GAS7: variants seen among roughly 807,000 people sequenced by gnomAD.
GAS7 encodes the protein growth arrest specific 7.
GAS7 carries 28 observed loss-of-function variants against 71.1 expected under a neutral mutation model. The observed-to-expected ratio is 0.39, with a 90% CI of 0.29 to 0.54. GAS7 has a LOEUF of 0.54. Ranked by LOEUF, GAS7 falls within the 20% of genes least tolerant of loss-of-function variation. The pLI is 0.62. For missense variants in GAS7, 436 were observed against 627.8 expected (o/e 0.69, Z 3.27); for synonymous variants, 258 against 245.8 (o/e 1.05, Z -0.46).
At chr17:9,946,397 A>G (rs1186504530) in intron 6 of GAS7, among the ~76,000 whole-genome samples, 2 of 152,206 alleles carry the variant, frequency 1.3e-5, no homozygotes, top group Admixed American at 6.5e-5. Flanking sequence ...TTGCAAAACT[A>G]AAACTCTGTG....
intron 1 of GAS7, among the ~76,000 whole-genome samples, chr17:10,170,560 C>T (rs182537435): frequency 5.3e-5 from 8 of 152,340 alleles, no homozygotes; most frequent in Admixed American, 2.6e-4. Context: ...CCTAATGAGA[C>T]CTTCTCTGCC....
At chr17:9,918,879 T>C (rs540055878) in intron 12 of GAS7, among the ~76,000 whole-genome samples, 17 of 152,104 alleles carry the variant, frequency 1.1e-4, no homozygotes, top group Non-Finnish European at 1.8e-4. Context: ...AATTAGGAGA[T>C]TAACCAGGAG....
intron 1 of GAS7, chr17:10,059,588 T>C (rs2073195219): frequency 1.9e-5 from 10 of 524,920 alleles, no homozygotes; most frequent in Non-Finnish European, 2.2e-5. Context: ...CCAAGGAAGA[T>C]TTCTCCTCCT....
intron 1 of GAS7, chr17:10,036,467 C>T (rs753568912): frequency 6.2e-7 from 1 of 1,613,730 alleles, no homozygotes; most frequent in South Asian, 1.1e-5. Context: ...CTGGGGGCTG[C>T]TACCTCAGAG....
At chr17:10,143,410 G>C (rs1187667554) in intron 1 of GAS7, among the ~76,000 whole-genome samples, 1 of 151,984 alleles carries the variant, frequency 6.6e-6, no homozygotes, top group African/African-American at 2.4e-5. Context: ...GGTATGTTGT[G>C]TGTCCCCTAT....
chr17:10,026,699 C>A lies in GAS7; in HGVS notation c.184-6802G>T, dbSNP rs2072471946. Reference sequence around the variant, plus strand: ...GATCAAGACCCAGCAGGGCTGGAGACTGGCAATTCACTCCCACGTCATGCC... The same window carrying A: ...GATCAAGACCCAGCAGGGCTGGAGAATGGCAATTCACTCCCACGTCATGCC... On this transcript the variant is annotated intron_variant, in intron 1 of 13. Transcript: ENST00000432992. The surrounding 1 kb of genome is among the most constrained non-coding windows in gnomAD (Gnocchi z 4.5). Among the ~76,000 whole-genome samples the A allele has an allele frequency of 6.6e-6, 1 of 152,230 alleles. No individual in the cohort carries two copies. The highest frequency in any genetic ancestry group is 1.5e-5 in the Non-Finnish European group (1 of 68,036).
At chr17:10,161,804 C>T (rs540234506) in intron 1 of GAS7, among the ~76,000 whole-genome samples, 3 of 152,236 alleles carry the variant, frequency 2.0e-5, no homozygotes, top group South Asian at 2.1e-4. Context: ...GTGGCTCATG[C>T]GTGTAATCCC....
intron 1 of GAS7, among the ~76,000 whole-genome samples, chr17:10,077,192 G>C (rs1398371917): frequency 2.6e-5 from 4 of 152,178 alleles, no homozygotes; most frequent in Admixed American, 2.0e-4. Flanking sequence ...CTAACAAGGA[G>C]GTTGGAGGTG....
intron 8 of GAS7, among the ~76,000 whole-genome samples, chr17:9,939,717 C>T (rs924617116): frequency 1.3e-5 from 2 of 152,090 alleles, no homozygotes; most frequent in East Asian, 3.9e-4. Context: ...TCACGCCATT[C>T]TCCTGCCTCA....
intron 1 of GAS7, among the ~76,000 whole-genome samples, chr17:10,119,698 G>A (rs764725279): frequency 2.0e-5 from 3 of 152,196 alleles, no homozygotes; most frequent in Admixed American, 6.5e-5. Context: ...CTTGCCTGGT[G>A]CCACCCCAAA....
chr17:10,098,453 A>ATGAGGTGATGAGG (rs1389033260), intron 1 of GAS7, among the ~76,000 whole-genome samples: 1 of 152,214 alleles, frequency 6.6e-6, no homozygotes, highest in African/African-American at 2.4e-5. Context: ...ATGCAGGGTG[A>ATGAGGTGATGAGG]TGAGGTGATG....
At chr17:9,988,740 AG>A (rs2070732880) in intron 2 of GAS7, among the ~76,000 whole-genome samples, 1 of 152,204 alleles carries the variant, frequency 6.6e-6, no homozygotes, top group South Asian at 2.1e-4. Flanking sequence ...TCTGCAGGAA[AG>A]AAACTACTCT....
chr17:9,998,699 AAAGGG>A (rs573978551), intron 2 of GAS7, among the ~76,000 whole-genome samples: 20 of 152,006 alleles, frequency 1.3e-4, no homozygotes, highest in Admixed American at 3.3e-4. Context: ...AGGAAAAGGA[AAAGGG>A]AAGGGAAGGG....
intron 1 of GAS7, among the ~76,000 whole-genome samples, chr17:10,144,030 T>A (rs114241451): frequency 0.025 from 3,755 of 152,272 alleles, 154 homozygotes; most frequent in African/African-American, 0.085. Flanking sequence ...TACTCAGAGC[T>A]CTGCCAGGCA....
rs1209171396 is a variant in GAS7, at chr17:10,093,214, T to G, written c.184-73317A>C. Among the ~76,000 whole-genome samples, 4 of 152,180 alleles carry G rather than the reference T, an allele frequency of 2.6e-5. No homozygotes were observed. In the East Asian group the frequency reaches 7.7e-4, roughly 29 times the overall value. On this transcript the variant is annotated intron_variant, in intron 1 of 13. Transcript: ENST00000432992. Reference sequence around the variant, plus strand: ...TCAAGCCCCCACTATCTCACCTTTATAAGGAAGCTGTTGCTTCTATGAGTC... The same window carrying G: ...TCAAGCCCCCACTATCTCACCTTTAGAAGGAAGCTGTTGCTTCTATGAGTC...
chr17:10,078,875 C>A (rs2073425384), intron 1 of GAS7, among the ~76,000 whole-genome samples: 1 of 152,170 alleles, frequency 6.6e-6, no homozygotes, highest in Non-Finnish European at 1.5e-5. Flanking sequence ...ATAGCAAAAC[C>A]TCTATCTCTA....
chr17:9,960,773 G>A (rs569425865), intron 4 of GAS7, among the ~76,000 whole-genome samples: 64 of 152,360 alleles, frequency 4.2e-4, no homozygotes, highest in African/African-American at 1.5e-3. Flanking sequence ...TCTTACTTGG[G>A]TTGCTAATTA....
chr17:10,111,505 C>T (rs1458577270), intron 1 of GAS7, among the ~76,000 whole-genome samples: 3 of 151,760 alleles, frequency 2.0e-5, no homozygotes, highest in East Asian at 3.9e-4. Flanking sequence ...TGCACTCCAG[C>T]CTGGGTGACA....
chr17:10,100,835 A>C (rs1257738159), intron 1 of GAS7, among the ~76,000 whole-genome samples: 1 of 152,262 alleles, frequency 6.6e-6, no homozygotes, highest in Admixed American at 6.5e-5. Context: ...TTTTCTGAGA[A>C]GATTGCTAAG....
Sources: gnomAD v4.1 joint callset for allele counts (sites outside exome capture counted in the v4.1 genomes callset) on GRCh38, gnomAD v4.1.1 for gene constraint, Gnocchi (gnomAD v3.1) non-coding constraint, MANE v1.5 for transcripts, NCBI Gene and HGNC (gene_info 2026-07-23, HGNC 2026-07-21) for gene names.